Variants in DPP10 observed in about 807,000 individuals in gnomAD.
The protein encoded by DPP10 is dipeptidyl peptidase like 10.
In DPP10, 33 loss-of-function variants were observed where a neutral mutation model predicts 120.9. The observed-to-expected ratio is 0.27, with a 90% CI of 0.21 to 0.37. DPP10 has a LOEUF of 0.37. Among genes scored for constraint, DPP10 ranks in the 10% least tolerant of loss-of-function variants. The probability of loss-of-function intolerance (pLI) is 1.00; values close to 1 mark genes in which losing one functional copy is unlikely to be tolerated. For missense variants in DPP10, 816 were observed against 942.8 expected, an observed-to-expected ratio of 0.87 and a Z score of 1.76; for synonymous variants, 337 against 326.1, an observed-to-expected ratio of 1.03 and a Z score of -0.36.
intron 3 of DPP10, among the ~76,000 whole-genome samples, chr2:115,442,165 G>A (rs1160444088): frequency 6.6e-6 from 1 of 151,592 alleles, no homozygotes; most frequent in Non-Finnish European, 1.5e-5. Context: ...TGTCTTCACT[G>A]TGCTTGTACT....
At chr2:115,568,270 G>A (rs1001758992) in intron 5 of DPP10, among the ~76,000 whole-genome samples, 1 of 152,052 alleles carries the variant, frequency 6.6e-6, no homozygotes, top group African/African-American at 2.4e-5. Context: ...AGATCACGAG[G>A]TCAAGAGATT....
At chr2:114,611,685 C>T (rs1019552815) in intron 1 of DPP10, among the ~76,000 whole-genome samples, 2 of 151,992 alleles carry the variant, frequency 1.3e-5, no homozygotes, top group African/African-American at 4.8e-5. Flanking sequence ...ACTTTATTTC[C>T]CTGTTATTGG....
At chr2:115,333,418 T>C (rs180959403) in intron 2 of DPP10, among the ~76,000 whole-genome samples, 71 of 152,260 alleles carry the variant, frequency 4.7e-4, no homozygotes, top group African/African-American at 1.7e-3. Context: ...ATTTGGCCCA[T>C]TTACATTTAA....
intron 1 of DPP10, among the ~76,000 whole-genome samples, chr2:115,245,505 AG>A (rs1431028779): frequency 6.6e-6 from 1 of 152,136 alleles, no homozygotes; most frequent in South Asian, 2.1e-4. Flanking sequence ...TGTGGTGAAA[AG>A]GGAACACTTT....
At chr2:115,826,369 A>G (rs1688316498) in intron 21 of DPP10, among the ~76,000 whole-genome samples, 1 of 152,308 alleles carries the variant, frequency 6.6e-6, no homozygotes, top group Non-Finnish European at 1.5e-5. Flanking sequence ...TTTATTGTAT[A>G]GATACATACA....
At chr2:114,562,795 T>G (rs1482621317) in intron 1 of DPP10, among the ~76,000 whole-genome samples, 1 of 152,240 alleles carries the variant, frequency 6.6e-6, no homozygotes, top group Non-Finnish European at 1.5e-5. Context: ...TTATATGACA[T>G]CATGTGCTTA....
At chr2:115,742,889 T>C (rs1677467424) in intron 9 of DPP10, among the ~76,000 whole-genome samples, 1 of 152,070 alleles carries the variant, frequency 6.6e-6, no homozygotes, top group Non-Finnish European at 1.5e-5. Context: ...TAAACAAATA[T>C]ATTTGTATTT....
intron 1 of DPP10, among the ~76,000 whole-genome samples, chr2:115,174,447 A>T (rs2105087272): frequency 6.6e-6 from 1 of 152,354 alleles, no homozygotes; most frequent in South Asian, 2.1e-4. Context: ...AAAATTAAAT[A>T]CAAAACTGGT....
At chr2:115,267,992 T>C (rs913949264) in intron 1 of DPP10, among the ~76,000 whole-genome samples, 2 of 152,218 alleles carry the variant, frequency 1.3e-5, no homozygotes, top group African/African-American at 4.8e-5. Context: ...ACCAAATAGA[T>C]AGTTACACTG....
chr2:114,961,470 T>TGTGTGC (rs1553461676), intron 1 of DPP10, among the ~76,000 whole-genome samples: 52 of 142,416 alleles, frequency 3.7e-4, no homozygotes, highest in African/African-American at 1.1e-3. Flanking sequence ...TGTGTGTGTG[T>TGTGTGC]GCGCGCGCAC....
chr2:115,284,481 AT>A (rs140454748), intron 1 of DPP10, among the ~76,000 whole-genome samples: 2,353 of 152,106 alleles, frequency 0.015, 65 homozygotes, highest in African/African-American at 0.054. Flanking sequence ...GCATCAAGCA[AT>A]TTTTCCTGCA....
At chr2:114,896,104 G>C (rs1184830375) in intron 1 of DPP10, among the ~76,000 whole-genome samples, 2 of 151,990 alleles carry the variant, frequency 1.3e-5, no homozygotes, top group African/African-American at 4.8e-5. Context: ...TCTCTGTTTT[G>C]GTAACAGTAC....
intron 5 of DPP10, among the ~76,000 whole-genome samples, chr2:115,684,675 T>G (rs1040048460): frequency 3.3e-5 from 5 of 151,912 alleles, no homozygotes; most frequent in African/African-American, 1.2e-4. Flanking sequence ...AGCCTCTGGT[T>G]CAAGCATAAA....
At chr2:114,751,563 G>A (rs557378428) in intron 1 of DPP10, among the ~76,000 whole-genome samples, 2 of 152,324 alleles carry the variant, frequency 1.3e-5, no homozygotes, top group Non-Finnish European at 2.9e-5. Flanking sequence ...GCTACATGTA[G>A]TGGAATGAGA....
chr2:115,442,330 G>A (rs947187556), intron 3 of DPP10, among the ~76,000 whole-genome samples: 2 of 151,058 alleles, frequency 1.3e-5, no homozygotes, highest in East Asian at 1.9e-4. Flanking sequence ...TTGTCACCAC[G>A]GCTCTTGCAA....
chr2:115,828,168 C>T (rs1688569370), intron 21 of DPP10, among the ~76,000 whole-genome samples: 1 of 151,910 alleles, frequency 6.6e-6, no homozygotes, highest in Non-Finnish European at 1.5e-5. Context: ...TTTAGGTTGA[C>T]ATTTCTTATT....
At chr2:114,494,586 C>A (rs1168682393) in intron 1 of DPP10, among the ~76,000 whole-genome samples, 1 of 152,092 alleles carries the variant, frequency 6.6e-6, no homozygotes, top group East Asian at 1.9e-4. Flanking sequence ...TACAGAGGTT[C>A]CTGCTACAAG....
intron 11 of DPP10, among the ~76,000 whole-genome samples, chr2:115,760,061 A>G (rs1223315907): frequency 6.6e-6 from 1 of 152,120 alleles, no homozygotes; most frequent in Non-Finnish European, 1.5e-5. Context: ...TTATAATTCC[A>G]TTACAAAGTA....
chr2:115,156,205 C>T (rs191930096), intron 1 of DPP10, among the ~76,000 whole-genome samples: 96 of 152,212 alleles, frequency 6.3e-4, no homozygotes, highest in African/African-American at 2.2e-3. Flanking sequence ...CCTGATATCC[C>T]GAAACTATTA....
Sources: allele counts gnomAD v4.1 joint callset (sites outside exome capture counted in the v4.1 genomes callset), GRCh38; gene constraint gnomAD v4.1.1; transcripts MANE v1.5; gene names NCBI Gene and HGNC (gene_info 2026-07-23, HGNC 2026-07-21).